The following TMEM151B variants were observed in gnomAD, a reference collection of about 807,000 sequenced individuals.
The protein encoded by TMEM151B is transmembrane protein 193.
TMEM151B carries 18 observed loss-of-function variants against 33.0 expected under a neutral mutation model. That is an observed-to-expected ratio of 0.55 (90% CI 0.38 to 0.81). The LOEUF (loss-of-function observed/expected upper bound fraction) is 0.81. Among genes scored for constraint, TMEM151B ranks in the 30% least tolerant of loss-of-function variants. The pLI is 0.00. For missense variants in TMEM151B, 672 were observed against 843.4 expected (o/e 0.80, Z 2.52); for synonymous variants, 354 against 373.6 (o/e 0.95, Z 0.61).
chr6:44,271,884 GT>G (rs1262735217), intron 1 of TMEM151B, among the ~76,000 whole-genome samples: 2 of 42,882 alleles, frequency 4.7e-5, no homozygotes. Context: ...AGGAGGTTGT[GT>G]GTGTGTGTGT....
At position 44,277,176 on chromosome 6, in the gene TMEM151B, A is replaced by T. The variant is rs1274436787; in HGVS notation, c.*649A>T. 2 of 152,308 alleles carry T rather than the reference A, an allele frequency of 1.3e-5. No homozygotes were observed. Among genetic ancestry groups the T allele is most frequent in the Non-Finnish European group, 2.9e-5 (2 of 68,138 alleles). 9.4% of individuals were successfully genotyped at this position (152,308 alleles called of 1,614,324 possible). ...CCGCTCCCTCCACTGTTGTTTATCT[A>T]ACTGGGCCCCCACTCCAGGTCCAGA... is the stretch of plus-strand genomic sequence containing the variant. On this transcript the variant is annotated 3_prime_UTR_variant, in exon 3 of 3. Transcript: ENST00000451188.
chr6:44,276,113 C>T lies in TMEM151B; in HGVS notation c.1287C>T (p.Tyr429=). The T allele has an allele frequency of 3.0e-6, 4 of 1,322,430 alleles. 1 individual carries two copies. Among genetic ancestry groups the T allele is most frequent in the Admixed American group, 4.1e-5 (1 of 24,520 alleles). The allele number at this position is 1,322,430 out of a possible 1,614,324, so 81.9% of individuals were successfully genotyped here. Residue 429 remains tyrosine (Y), a synonymous_variant, in exon 3 of 3, where the codon TAC becomes TAT. Coordinates refer to ENST00000451188, the MANE Select transcript of TMEM151B (RefSeq NM_001137560.2). ...CGGGCGCGGCGGGCGTGGCTCCCTACCGGCGCAGCTGCGAGCACTGCCAGC... is the reference window on the plus strand; with the variant it reads ...CGGGCGCGGCGGGCGTGGCTCCCTATCGGCGCAGCTGCGAGCACTGCCAGC... ...GGPGAAGVAP[Y]RRSCEHCQRA...
chr6:44,271,880 TTGTGTGTGTGTGTG>T (rs58355560), intron 1 of TMEM151B, among the ~76,000 whole-genome samples: 71,449 of 148,174 alleles, frequency 0.48, 17,349 homozygotes, highest in Middle Eastern at 0.61. Context: ...CAGCAGGAGG[TTGTGTGTGTGTGTG>T]TGTGTGTGTG....
chr6:44,276,417 C>T lies in TMEM151B; in HGVS notation c.1591C>T (p.His531Tyr), dbSNP rs1448755513. 1 of 1,512,262 alleles carries T rather than the reference C, an allele frequency of 6.6e-7. No individual in the cohort carries two copies. The highest frequency in any genetic ancestry group is 8.8e-7 in the Non-Finnish European group (1 of 1,135,526). The allele number at this position is 1,512,262 out of a possible 1,614,324, so 93.7% of individuals were successfully genotyped here. A position where few individuals can be genotyped will look rare whatever the true frequency, so the allele number is the denominator to read the frequency against. Residue 531 changes from histidine to tyrosine, a missense_variant, in exon 3 of 3, where the codon CAC (histidine) becomes TAC (tyrosine). Physicochemically the swap from His to Tyr is moderately conservative, Grantham distance 83. Coordinates refer to ENST00000451188, the MANE Select transcript of TMEM151B (RefSeq NM_001137560.2). ...GGAGGCCGGGCCGCCGCCGCCCTAC[C>T]ACGACGCCCTCTACTTTCCGGTCCT... ...EEEAGPPPPYHDALYFPVLIV... is the reference protein window; with the variant it reads ...EEEAGPPPPYYDALYFPVLIV...
rs1292589220 is a variant in TMEM151B, at chr6:44,275,494, G to A, written c.668G>A (p.Gly223Glu). 2 of 1,549,650 alleles carry A rather than the reference G, an allele frequency of 1.3e-6. No homozygotes were observed. The highest frequency in any genetic ancestry group is 8.7e-7 in the Non-Finnish European group (1 of 1,146,270). The change falls in exon 3 of 3, where the codon GGG becomes GAG. Residue 223 changes from glycine to glutamate, a missense_variant. Transcript: ENST00000451188. ...GVRDVSKTLVGLEGAPATRLR... is the reference protein window; with the variant it reads ...GVRDVSKTLVELEGAPATRLR... ...CGCGACGTGTCCAAGACGCTGGTGG[G>A]GCTGGAGGGCGCGCCGGCCACGCGG... is the stretch of plus-strand genomic sequence containing the variant.
intron 2 of TMEM151B, among the ~76,000 whole-genome samples, chr6:44,273,859 G>C (rs951594567): frequency 1.3e-5 from 2 of 152,204 alleles, no homozygotes; most frequent in African/African-American, 4.8e-5. Context: ...GTGGAGATGA[G>C]ACTTGAACTC....
chr6:44,271,977 A>G (rs1195717636), intron 1 of TMEM151B, among the ~76,000 whole-genome samples: 2 of 151,958 alleles, frequency 1.3e-5, no homozygotes, highest in Admixed American at 6.6e-5. Context: ...ACTACAAGAA[A>G]TTAAACTCAA....
At position 44,273,215 on chromosome 6, in the gene TMEM151B, C is replaced by T. The variant is rs1782435146; in HGVS notation, c.285C>T (p.Ala95=). Residue 95 remains alanine, a synonymous_variant, in exon 2 of 3, where the codon GCC becomes GCT. Transcript: ENST00000451188. ...TGACGCGCCTCACCTTCAGCAGCGC[C>T]TACCAGGGCAACAGCCTCATGTACC... is the stretch of plus-strand genomic sequence containing the variant. ...TTVTRLTFSS[A]YQGNSLMYHD... is the part of the protein sequence containing the mutation. The T allele has an allele frequency of 6.4e-7, 1 of 1,550,388 alleles. No homozygotes were observed.
In TMEM151B at chr6:44,273,089, C is replaced by T. The variant is rs1238001014; in HGVS notation, c.159C>T (p.Phe53=). Residue 53 remains phenylalanine (F), a synonymous_variant, in exon 2 of 3, where the codon TTC becomes TTT. Transcript: ENST00000451188. The part of the protein sequence containing the change: ...REEQRPIQPS[F]TKSLCRESHW... Reference sequence around the variant, plus strand: ...AGCAGCGTCCCATCCAGCCCTCTTTCACCAAGTCCCTCTGCCGTGAGTCCC... The same window carrying T: ...AGCAGCGTCCCATCCAGCCCTCTTTTACCAAGTCCCTCTGCCGTGAGTCCC... The T allele has an allele frequency of 1.3e-6, 2 of 1,502,020 alleles. No individual in the cohort carries two copies. Among genetic ancestry groups the T allele is most frequent in the East Asian group, 2.5e-5 (1 of 40,368 alleles). 93.0% of individuals were successfully genotyped at this position (1,502,020 alleles called of 1,614,324 possible).
chr6:44,275,676 A>C lies in TMEM151B; in HGVS notation c.850A>C (p.Met284Leu), dbSNP rs1356780166. The change falls in exon 3 of 3, where the codon ATG (methionine) becomes CTG (leucine). Residue 284 changes from methionine to leucine, a missense_variant. Physicochemically the swap from Met to Leu is conservative, Grantham distance 15. Coordinates refer to ENST00000451188, the MANE Select transcript of TMEM151B (RefSeq NM_001137560.2). ...HLKNVDFREF[M>L]VAFPDPARPP... ...CAAGAACGTGGACTTCCGTGAGTTC[A>C]TGGTGGCCTTCCCGGACCCGGCCCG... 16 of 1,550,992 alleles carry C rather than the reference A, an allele frequency of 1.0e-5. No individual in the cohort carries two copies. The Admixed American group carries it at 2.7e-4, about 27-fold the overall frequency.
rs1271339723 is a variant in TMEM151B at position 44,276,627 on chromosome 6, G to T, written c.*100G>T. On this transcript the variant is annotated 3_prime_UTR_variant, in exon 3 of 3. Transcript: ENST00000451188. ...GCGAGTCACCACGGTGACTGAGGCC[G>T]CGCGGGGGGCAGGGAAAGGGAGGTG... 1 of 1,285,580 alleles carries T rather than the reference G, an allele frequency of 7.8e-7. No individual in the cohort carries two copies. 79.6% of individuals were successfully genotyped at this position (1,285,580 alleles called of 1,614,324 possible).
chr6:44,275,416 G>C lies in TMEM151B; in HGVS notation c.590G>C (p.Arg197Pro), dbSNP rs1782540336. The part of the protein sequence containing the change: ...AYTTTQVYHE[R>P]VNTHVAEAEF... ...CCCGCGCCGCAGGTCTACCACGAAC[G>C]CGTCAACACGCACGTGGCGGAGGCT... is the stretch of plus-strand genomic sequence containing the variant. The change falls in exon 3 of 3, where the codon CGC becomes CCC. Residue 197 changes from arginine (R) to proline (P), a missense_variant. Transcript: ENST00000451188. The C allele has an allele frequency of 1.3e-6, 2 of 1,524,384 alleles. No homozygotes were observed. The highest frequency in any genetic ancestry group is 1.4e-5 in the African/African-American group (1 of 72,320). 94.4% of individuals were successfully genotyped at this position (1,524,384 alleles called of 1,614,324 possible).
rs1020140012 is a variant in TMEM151B at position 44,276,208 on chromosome 6, C to T, written c.1382C>T (p.Pro461Leu). The change falls in exon 3 of 3, where the codon CCG (proline) becomes CTG (leucine). Residue 461 changes from proline to leucine, a missense_variant. Coordinates refer to ENST00000451188, the MANE Select transcript of TMEM151B (RefSeq NM_001137560.2). ...LSICASPRAGPGPGGGAGCGG... is the reference protein window; with the variant it reads ...LSICASPRAGLGPGGGAGCGG... The stretch of plus-strand genomic sequence containing the variant: ...ATCTGCGCCAGCCCGCGGGCCGGCC[C>T]GGGGCCCGGTGGGGGCGCGGGCTGC... 4.0e-5 allele frequency: 52 copies of T among 1,289,956 alleles called. No individual in the cohort carries two copies. Among genetic ancestry groups the T allele is most frequent in the Middle Eastern group, 5.8e-4 (2 of 3,450 alleles). The allele number at this position is 1,289,956 out of a possible 1,614,324, so 79.9% of individuals were successfully genotyped here. A position where few individuals can be genotyped will look rare whatever the true frequency, so the allele number is the denominator to read the frequency against.
At chr6:44,272,300 C>T (rs1043988911) in intron 1 of TMEM151B, among the ~76,000 whole-genome samples, 24 of 152,188 alleles carry the variant, frequency 1.6e-4, no homozygotes, top group African/African-American at 5.1e-4. Context: ...TCCTCCTGGA[C>T]TGCCTGCCGC....
Position 44,279,242 on chromosome 6 carries a change from G to T in TMEM151B, c.*2715G>T. ...TGGCCCCAGGGTGGACAGCTACAGA[G>T]TGATGGGGGACTCATGTAGGGCACC... is the stretch of plus-strand genomic sequence containing the variant. On this transcript the variant is annotated 3_prime_UTR_variant, in exon 3 of 3. Transcript: ENST00000451188. The T allele has an allele frequency of 6.6e-6, 1 of 152,422 alleles. No individual in the cohort carries two copies. Among genetic ancestry groups the T allele is most frequent in the Non-Finnish European group, 1.5e-5 (1 of 68,098 alleles). The allele number at this position is 152,422 out of a possible 1,614,324, so 9.4% of individuals were successfully genotyped here.
In TMEM151B at chr6:44,276,258, C is replaced by G; in HGVS notation, c.1432C>G (p.Arg478Gly). ...GCGGSRFSLGRLYGSRRSCLW... is the reference protein window; with the variant it reads ...GCGGSRFSLGGLYGSRRSCLW... ...CGGGGGCAGCCGCTTCTCGCTGGGCCGTCTCTACGGCTCCCGGCGCAGCTG... is the reference window on the plus strand; with the variant it reads ...CGGGGGCAGCCGCTTCTCGCTGGGCGGTCTCTACGGCTCCCGGCGCAGCTG... The change falls in exon 3 of 3, where the codon CGT becomes GGT. Residue 478 changes from arginine to glycine, a missense_variant. By Grantham distance (125) the Arg-to-Gly change is moderately radical. Around this residue, in one of 3 missense-constraint regions of TMEM151B, gnomAD observed 324 missense variants for 363.1 expected, o/e 0.89. Coordinates refer to ENST00000451188, the MANE Select transcript of TMEM151B (RefSeq NM_001137560.2). 2.0e-5 allele frequency: 26 copies of G among 1,322,208 alleles called. No homozygotes were observed. The highest frequency in any genetic ancestry group is 3.1e-5 in the East Asian group (1 of 32,038). The allele number at this position is 1,322,208 out of a possible 1,614,324, so 81.9% of individuals were successfully genotyped here. A position where few individuals can be genotyped will look rare whatever the true frequency, so the allele number is the denominator to read the frequency against.
At chr6:44,272,536 A>G (rs1339872484) in intron 1 of TMEM151B, among the ~76,000 whole-genome samples, 1 of 152,100 alleles carries the variant, frequency 6.6e-6, no homozygotes, top group African/African-American at 2.4e-5. Context: ...ACTGAAAAAA[A>G]TCTGGAAGTG....
At chr6:44,274,446 G>C (rs1782486400) in intron 2 of TMEM151B, among the ~76,000 whole-genome samples, 1 of 152,154 alleles carries the variant, frequency 6.6e-6, no homozygotes. Flanking sequence ...ACTGAGGGTG[G>C]GCAGGTCAAT....
In TMEM151B at chr6:44,273,392, C is replaced by G; in HGVS notation, c.462C>G (p.Gly154=). 6.4e-7 allele frequency: 1 copy of G among 1,551,244 alleles called. No homozygotes were observed. The highest frequency in any genetic ancestry group is 8.7e-7 in the Non-Finnish European group (1 of 1,147,000). ...VDVSSVRERV[G]RMQQATPCIW... ...TGAGCAGTGTGCGGGAACGTGTGGG[C>G]CGCATGCAGCAAGCCACGCCCTGCA... is the stretch of plus-strand genomic sequence containing the variant. The change falls in exon 2 of 3, where the codon GGC becomes GGG. Residue 154 remains glycine, a synonymous_variant. Coordinates refer to ENST00000451188, the MANE Select transcript of TMEM151B (RefSeq NM_001137560.2).
Sources: gnomAD v4.1 joint callset for allele counts (sites outside exome capture counted in the v4.1 genomes callset) on GRCh38, gnomAD v4.1.1 for gene constraint, gnomAD v4.1.1 regional missense constraint, MANE v1.5 for transcripts, NCBI Gene and HGNC (gene_info 2026-07-23, HGNC 2026-07-21) for gene names.